The following EPM2A variants were observed in gnomAD, a reference collection of about 807,000 sequenced individuals.
The protein encoded by EPM2A is EPM2A glucan phosphatase, laforin, also known as laforin.
In EPM2A, 21 loss-of-function variants were observed where a neutral mutation model predicts 26.5. The observed-to-expected ratio is 0.79, with a 90% CI of 0.56 to 1.14. EPM2A has a LOEUF of 1.14. Among genes scored for constraint, EPM2A ranks in the 50% most tolerant of loss-of-function variants. EPM2A has a pLI of 0.00. For missense variants in EPM2A, 458 were observed against 440.8 expected (o/e 1.04, Z -0.35); for synonymous variants, 217 against 177.6 (o/e 1.22, Z -1.76).
At chr6:145,480,346 A>C (rs1728914287) in intron 4 of EPM2A, among the ~76,000 whole-genome samples, 1 of 151,954 alleles carries the variant, frequency 6.6e-6, no homozygotes, top group African/African-American at 2.4e-5. Context: ...ACTTTTAAAC[A>C]AGCAGATCTT....
At chr6:145,713,925 C>A (rs1336802020) in intron 1 of EPM2A, among the ~76,000 whole-genome samples, 1 of 152,144 alleles carries the variant, frequency 6.6e-6, no homozygotes, top group African/African-American at 2.4e-5. Flanking sequence ...CTGAGACATG[C>A]TACAACACGT....
intron 1 of EPM2A, among the ~76,000 whole-genome samples, chr6:145,689,952 A>G (rs1173673790): frequency 6.6e-6 from 1 of 152,206 alleles, no homozygotes; most frequent in African/African-American, 2.4e-5. Context: ...CCTAGTGGAA[A>G]GTCAAGATTT....
intron 2 of EPM2A, among the ~76,000 whole-genome samples, chr6:145,663,199 G>A (rs1033610114): frequency 3.3e-5 from 5 of 152,162 alleles, no homozygotes; most frequent in Non-Finnish European, 5.9e-5. Context: ...TCCAACTGGG[G>A]GGTATAGCAA....
chr6:145,648,463 A>G (rs1311153084), intron 2 of EPM2A, among the ~76,000 whole-genome samples: 2 of 152,242 alleles, frequency 1.3e-5, no homozygotes, highest in Admixed American at 1.3e-4. Flanking sequence ...TTTATTAATT[A>G]TAACCCATGG....
At chr6:145,450,254 G>C (rs1275864465) in intron 4 of EPM2A, among the ~76,000 whole-genome samples, 1 of 150,352 alleles carries the variant, frequency 6.7e-6, no homozygotes, top group Non-Finnish European at 1.5e-5. Context: ...TCGGGAGGCT[G>C]AGGCAGGAGA....
At chr6:145,660,130 T>C (rs1402964796) in intron 2 of EPM2A, among the ~76,000 whole-genome samples, 2 of 152,178 alleles carry the variant, frequency 1.3e-5, no homozygotes, top group Non-Finnish European at 2.9e-5. Flanking sequence ...TATTTGTCTC[T>C]AGCATGAGAC....
At chr6:145,593,892 T>C (rs1221270994) in intron 2 of EPM2A, among the ~76,000 whole-genome samples, 2 of 151,352 alleles carry the variant, frequency 1.3e-5, no homozygotes, top group African/African-American at 2.4e-5. Context: ...CCTAAAGTCA[T>C]CAGAAGAATG....
intron 4 of EPM2A, among the ~76,000 whole-genome samples, chr6:145,407,318 A>G (rs1312602931): frequency 6.6e-6 from 1 of 152,196 alleles, no homozygotes; most frequent in Non-Finnish European, 1.5e-5. Flanking sequence ...AATTTGGCAT[A>G]GTACCTGTAT....
At chr6:145,397,708 T>A (rs543383644) in intron 4 of EPM2A, among the ~76,000 whole-genome samples, 1 of 152,198 alleles carries the variant, frequency 6.6e-6, no homozygotes, top group Non-Finnish European at 1.5e-5. Context: ...TTTAGCCCCA[T>A]TGAAAAGGCT....
rs183919632 is a variant in EPM2A at position 145,474,215 on chromosome 6, A to T, written c.555+28307T>A. Among the ~76,000 whole-genome samples, 7 of 152,226 alleles carry T rather than the reference A, an allele frequency of 4.6e-5. No homozygotes were observed. In the East Asian group the frequency reaches 1.4e-3, roughly 29 times the overall value. ...GGTGGCTCATGCCTGTAATCCCAGC[A>T]CTTTGGGAAGCCAAGGTGGGTGGAT... On this transcript the variant is annotated intron_variant, in intron 4 of 4. Coordinates refer to the EPM2A transcript ENST00000638717.
At chr6:145,467,015 G>T (rs1243521547) in intron 4 of EPM2A, among the ~76,000 whole-genome samples, 1 of 152,102 alleles carries the variant, frequency 6.6e-6, no homozygotes, top group Non-Finnish European at 1.5e-5. Context: ...AGTGGAGAGG[G>T]ATAGCACTGG....
intron 2 of EPM2A, among the ~76,000 whole-genome samples, chr6:145,655,542 A>G (rs1359170217): frequency 6.6e-6 from 1 of 152,174 alleles, no homozygotes; most frequent in East Asian, 1.9e-4. Context: ...CAGAAGCTGT[A>G]ATATGTTTTT....
At chr6:145,460,880 T>C (rs1184483443) in intron 4 of EPM2A, among the ~76,000 whole-genome samples, 1 of 150,020 alleles carries the variant, frequency 6.7e-6, no homozygotes, top group Non-Finnish European at 1.5e-5. Flanking sequence ...AGACATATTC[T>C]CTTAAAAAAA....
intron 3 of EPM2A, chr6:145,631,064 A>T (rs1776215797): frequency 6.6e-6 from 1 of 152,096 alleles, no homozygotes; most frequent in African/African-American, 2.4e-5. Context: ...TTACCAGCCC[A>T]TGCTGCTGCT....
intron 4 of EPM2A, among the ~76,000 whole-genome samples, chr6:145,466,654 A>ACT (rs1779398337): frequency 6.6e-6 from 1 of 152,292 alleles, no homozygotes; most frequent in East Asian, 1.9e-4. Context: ...TATATACCCA[A>ACT]AGGACTATAA....
chr6:145,516,182 A>C (rs1328911891), intron 2 of EPM2A, among the ~76,000 whole-genome samples: 1 of 152,222 alleles, frequency 6.6e-6, no homozygotes, highest in Non-Finnish European at 1.5e-5. Context: ...CCATATTCTC[A>C]TTAACTCAAC....
chr6:145,584,489 G>A (rs1375537884), intron 2 of EPM2A, among the ~76,000 whole-genome samples: 1 of 152,136 alleles, frequency 6.6e-6, no homozygotes, highest in Non-Finnish European at 1.5e-5. Flanking sequence ...CAGCCCTGGG[G>A]ATGGGCATCG....
intron 4 of EPM2A, among the ~76,000 whole-genome samples, chr6:145,413,326 CA>C (rs1778667492): frequency 6.6e-6 from 1 of 152,128 alleles, no homozygotes; most frequent in South Asian, 2.1e-4. Flanking sequence ...AAAGCATTCA[CA>C]AGGGCCATTA....
intron 2 of EPM2A, among the ~76,000 whole-genome samples, chr6:145,603,887 A>G (rs1287594174): frequency 1.3e-5 from 2 of 152,170 alleles, no homozygotes; most frequent in African/African-American, 4.8e-5. Flanking sequence ...TTATTTGTAA[A>G]GAAGCTATTC....
Sources: allele counts gnomAD v4.1 joint callset (sites outside exome capture counted in the v4.1 genomes callset), GRCh38; gene constraint gnomAD v4.1.1; transcripts MANE v1.5; gene names NCBI Gene and HGNC (gene_info 2026-07-23, HGNC 2026-07-21).